Variants in SOX15 observed in about 807,000 individuals in gnomAD.
The protein encoded by SOX15 is transcription factor SOX-15.
A neutral mutation model predicts 15.9 loss-of-function variants in SOX15; 12 were observed. That is an observed-to-expected ratio of 0.75 (90% confidence interval 0.48 to 1.22). The LOEUF (loss-of-function observed/expected upper bound fraction) is 1.22, where lower values mean the gene tolerates loss of function less well. Ranked by LOEUF, SOX15 falls within the 50% of genes most tolerant of loss-of-function variation. SOX15 has a pLI of 0.00. For missense variants in SOX15, 309 were observed against 313.9 expected, an observed-to-expected ratio of 0.98 and a Z score of 0.12; for synonymous variants, 149 against 142.8, an observed-to-expected ratio of 1.04 and a Z score of -0.31.
At position 7,588,377 on chromosome 17, in the gene SOX15, G is replaced by T; in HGVS notation, c.*1C>A. 1 of 1,613,226 alleles carries T rather than the reference G, an allele frequency of 6.2e-7. No homozygotes were observed. The highest frequency in any genetic ancestry group is 1.7e-5 in the Admixed American group (1 of 59,992). ...TCCCGTGAGGTCTGCGTCCATGAGG[G>T]TTAGAGGTGGGTTAGGGGCATGGGG... On this transcript the variant is annotated 3_prime_UTR_variant, in exon 2 of 2. Coordinates refer to ENST00000250055, the MANE Select transcript of SOX15 (RefSeq NM_006942.2).
intron 1 of SOX15, 114 bp downstream of exon 1, chr17:7,589,030 G>T: frequency 9.9e-7 from 1 of 1,007,328 alleles, no homozygotes. Flanking sequence ...CCACACCTTG[G>T]CCGCGAGTGG....
In SOX15 at chr17:7,589,179, G is replaced by C. The variant is rs1286022813; in HGVS notation, c.498C>G (p.Pro166=). ...QPSRGFGYRP[P]SYSTAYLPGS... ...CAGGCAGGTAGGCTGTCGAGTAGCT[G>C]GGGGGTCTGTACCCAAAGCCTCTGC... The change falls in exon 1 of 2, where the codon CCC becomes CCG. Residue 166 remains proline (P), a synonymous_variant. Coordinates refer to ENST00000250055, the MANE Select transcript of SOX15 (RefSeq NM_006942.2). 6.6e-7 allele frequency: 1 copy of C among 1,518,150 alleles called. No homozygotes were observed. Among genetic ancestry groups the C allele is most frequent in the East Asian group, 2.5e-5 (1 of 40,300 alleles). The allele number at this position is 1,518,150 out of a possible 1,614,324, so 94.0% of individuals were successfully genotyped here.
chr17:7,588,784 A>G (rs776774843), intron 1 of SOX15, among the ~76,000 whole-genome samples: 15 of 152,148 alleles, frequency 9.9e-5, no homozygotes, highest in African/African-American at 2.9e-4. Flanking sequence ...AGGCCAGGAA[A>G]GGGCAGAATG....
In SOX15 at chr17:7,588,342, A is replaced by T; in HGVS notation, c.*36T>A. The T allele has an allele frequency of 6.2e-7, 1 of 1,605,382 alleles. No individual in the cohort carries two copies. On this transcript the variant is annotated 3_prime_UTR_variant, in exon 2 of 2. Coordinates refer to ENST00000250055, the MANE Select transcript of SOX15 (RefSeq NM_006942.2). ...GATGCTGCTGGATTAAAAAAGGAGG[A>T]TGAGGCCCGTCCCGTGAGGTCTGCG...
chr17:7,589,487 G>T lies in SOX15; in HGVS notation c.190C>A (p.Arg64Ser). The change falls in exon 1 of 2, where the codon CGC (arginine) becomes AGC (serine). Residue 64 changes from arginine (R) to serine (S), a missense_variant. Transcript: ENST00000250055. The part of the protein sequence containing the change: ...NAFMVWSSAQ[R>S]RQMAQQNPKM... ...GGGTTCTGCTGCGCCATCTGGCGGC[G>T]CTGAGCGGAGCTCCACACCATGAAC... 1 of 1,613,430 alleles carries T rather than the reference G, an allele frequency of 6.2e-7. No homozygotes were observed. The highest frequency in any genetic ancestry group is 8.5e-7 in the Non-Finnish European group (1 of 1,179,808).
In SOX15 at chr17:7,589,124, C is replaced by T. The variant is rs770107809; in HGVS notation, c.533+20G>A. On this transcript the variant is annotated intron_variant, in intron 1 of 1. Transcript: ENST00000250055. ...GGGGCGCATGGGCCTCCGTCTTCGG[C>T]CCGCTTCCCAGGCACTCACCCATAG... 9 of 1,458,114 alleles carry T rather than the reference C, an allele frequency of 6.2e-6. 1 individual carries two copies. The South Asian group carries it at 1.3e-4, about 21-fold the overall frequency. 90.3% of individuals were successfully genotyped at this position (1,458,114 alleles called of 1,614,324 possible). A position where few individuals can be genotyped will look rare whatever the true frequency, so the allele number is the denominator to read the frequency against.
At position 7,589,712 on chromosome 17, in the gene SOX15, C is replaced by T. The variant is rs1290825421; in HGVS notation, c.-36G>A. ...AAGCCTTAAGAGGGCGTCCTGAATG[C>T]CCTCCCCTCAACGTGAAGCGTCGAT... On this transcript the variant is annotated 5_prime_UTR_variant, in exon 1 of 2. Coordinates refer to ENST00000250055, the MANE Select transcript of SOX15 (RefSeq NM_006942.2). The T allele has an allele frequency of 2.0e-6, 3 of 1,491,712 alleles. No homozygotes were observed. Among genetic ancestry groups the T allele is most frequent in the Non-Finnish European group, 2.7e-6 (3 of 1,123,310 alleles). The allele number at this position is 1,491,712 out of a possible 1,614,324, so 92.4% of individuals were successfully genotyped here. A position where few individuals can be genotyped will look rare whatever the true frequency, so the allele number is the denominator to read the frequency against.
Position 7,589,542 on chromosome 17 carries a change from G to T in SOX15, c.135C>A (p.Pro45=). ...AGSPAAPGTL[P]LEKVKRPMNA... is the part of the protein sequence containing the mutation. ...TCATCGGCCGCTTCACCTTCTCCAG[G>T]GGCAGCGTCCCGGGGGCCGCGGGGC... Residue 45 remains proline, a synonymous_variant, in exon 1 of 2, where the codon CCC becomes CCA. Transcript: ENST00000250055. 1.2e-6 allele frequency: 2 copies of T among 1,608,158 alleles called. No homozygotes were observed. Among genetic ancestry groups the T allele is most frequent in the Non-Finnish European group, 1.7e-6 (2 of 1,178,126 alleles).
At position 7,589,225 on chromosome 17, in the gene SOX15, C is replaced by G; in HGVS notation, c.452G>C (p.Gly151Ala). 6.5e-7 allele frequency: 1 copy of G among 1,544,390 alleles called. No individual in the cohort carries two copies. The highest frequency in any genetic ancestry group is 1.2e-5 in the South Asian group (1 of 84,090). The stretch of plus-strand genomic sequence containing the variant: ...TCTGCTCGGTTGGGTGGTCGCGTAC[C>G]CCGGCCCCCAGAGCGGGCCGCCGCT... ...LASGGPLWGPGYATTQPSRGF... is the reference protein window; with the variant it reads ...LASGGPLWGPAYATTQPSRGF... Residue 151 changes from glycine (G) to alanine (A), a missense_variant, in exon 1 of 2, where the codon GGG becomes GCG. Coordinates refer to ENST00000250055, the MANE Select transcript of SOX15 (RefSeq NM_006942.2).
intron 1 of SOX15, among the ~76,000 whole-genome samples, chr17:7,588,807 C>G (rs2071626224): frequency 6.6e-6 from 1 of 152,162 alleles, no homozygotes; most frequent in African/African-American, 2.4e-5. Context: ...CTCGGCCTCT[C>G]CTTGCCCTGG....
In SOX15 at chr17:7,590,086, G is replaced by A. The variant is rs1044261935; in HGVS notation, c.-410C>T. The stretch of plus-strand genomic sequence containing the variant: ...CAGACCTCTCCCACCTGGGCTCAGC[G>A]TTTGTGGCAGGCGGGCCAGACCTGG... On this transcript the variant is annotated 5_prime_UTR_variant, in exon 1 of 2. It adds an upstream start codon to the 5' untranslated region. Coordinates refer to ENST00000250055, the MANE Select transcript of SOX15 (RefSeq NM_006942.2). 1.6e-5 allele frequency: 3 copies of A among 185,882 alleles called. No homozygotes were observed. Among genetic ancestry groups the A allele is most frequent in the African/African-American group, 2.4e-5 (1 of 42,266 alleles). The allele number at this position is 185,882 out of a possible 1,614,324, so 11.5% of individuals were successfully genotyped here.
At position 7,589,560 on chromosome 17, in the gene SOX15, C is replaced by T. The variant is rs1201880366; in HGVS notation, c.117G>A (p.Ala39=). The change falls in exon 1 of 2, where the codon GCG becomes GCA. Residue 39 remains alanine, a synonymous_variant. Transcript: ENST00000250055. ...PQEREGAGSP[A]APGTLPLEKV... ...TCTCCAGGGGCAGCGTCCCGGGGGC[C>T]GCGGGGCTCCCAGCGCCCTCCCGCT... 6.3e-7 allele frequency: 1 copy of T among 1,597,996 alleles called. No homozygotes were observed. The highest frequency in any genetic ancestry group is 8.5e-7 in the Non-Finnish European group (1 of 1,173,998).
rs768669249 is a variant in SOX15 at position 7,588,227 on chromosome 17, G to T, written c.*151C>A. ...ACTACCAAAAATATAATTGTATGTTGTGCGGCTCTCCCTGGCTATCATGGG... is the reference window on the plus strand; with the variant it reads ...ACTACCAAAAATATAATTGTATGTTTTGCGGCTCTCCCTGGCTATCATGGG... On this transcript the variant is annotated 3_prime_UTR_variant, in exon 2 of 2. Transcript: ENST00000250055. The T allele has an allele frequency of 1.2e-6, 1 of 807,312 alleles. No homozygotes were observed. Among genetic ancestry groups the T allele is most frequent in the East Asian group, 2.4e-5 (1 of 41,370 alleles). 50.0% of individuals were successfully genotyped at this position (807,312 alleles called of 1,614,324 possible). A position where few individuals can be genotyped will look rare whatever the true frequency, so the allele number is the denominator to read the frequency against.
chr17:7,589,115 C>T lies in SOX15; in HGVS notation c.533+29G>A, dbSNP rs1383315767. On this transcript the variant is annotated intron_variant, in intron 1 of 1. Coordinates refer to ENST00000250055, the MANE Select transcript of SOX15 (RefSeq NM_006942.2). Reference sequence around the variant, plus strand: ...TCCAGAAGAGGGGCGCATGGGCCTCCGTCTTCGGCCCGCTTCCCAGGCACT... The same window carrying T: ...TCCAGAAGAGGGGCGCATGGGCCTCTGTCTTCGGCCCGCTTCCCAGGCACT... The T allele has an allele frequency of 6.2e-6, 9 of 1,449,798 alleles. 1 individual carries two copies. In the South Asian group the frequency reaches 1.3e-4, roughly 21 times the overall value. The allele number at this position is 1,449,798 out of a possible 1,614,324, so 89.8% of individuals were successfully genotyped here.
chr17:7,589,782 A>G lies in SOX15; in HGVS notation c.-106T>C. The G allele has an allele frequency of 9.8e-7, 1 of 1,019,726 alleles. No individual in the cohort carries two copies. 63.2% of individuals were successfully genotyped at this position (1,019,726 alleles called of 1,614,324 possible). On this transcript the variant is annotated 5_prime_UTR_variant, in exon 1 of 2. Transcript: ENST00000250055. ...TCCCAGTCTGGAGTCGTTGCCGAGG[A>G]ACTTGGGTCCTTAAAAAGTGTATTT...
chr17:7,589,538 C>T lies in SOX15; in HGVS notation c.139G>A (p.Glu47Lys). Reference sequence around the variant, plus strand: ...GCGTTCATCGGCCGCTTCACCTTCTCCAGGGGCAGCGTCCCGGGGGCCGCG... The same window carrying T: ...GCGTTCATCGGCCGCTTCACCTTCTTCAGGGGCAGCGTCCCGGGGGCCGCG... ...SPAAPGTLPLEKVKRPMNAFM... is the reference protein window; with the variant it reads ...SPAAPGTLPLKKVKRPMNAFM... Residue 47 changes from glutamate (E) to lysine (K), a missense_variant, in exon 1 of 2, where the codon GAG (glutamate) becomes AAG (lysine). Coordinates refer to ENST00000250055, the MANE Select transcript of SOX15 (RefSeq NM_006942.2). The T allele has an allele frequency of 6.2e-7, 1 of 1,608,944 alleles. No individual in the cohort carries two copies. The highest frequency in any genetic ancestry group is 8.5e-7 in the Non-Finnish European group (1 of 1,178,390).
rs771900179 is a variant in SOX15, at chr17:7,588,282, C to G, written c.*96G>C. The G allele has an allele frequency of 5.6e-6, 7 of 1,244,630 alleles. No individual in the cohort carries two copies. In the African/African-American group the frequency reaches 1.0e-4, roughly 18 times the overall value. The allele number at this position is 1,244,630 out of a possible 1,614,324, so 77.1% of individuals were successfully genotyped here. On this transcript the variant is annotated 3_prime_UTR_variant, in exon 2 of 2. Transcript: ENST00000250055. The stretch of plus-strand genomic sequence containing the variant: ...CTGCAGGCTGCCTCTGAACTGTAGT[C>G]CAACAGGAGAAAGGGTTGACAGCCT...
Position 7,588,232 on chromosome 17 carries a change from G to T in SOX15, c.*146C>A, listed in dbSNP as rs1332681843. ...CAAAAATATAATTGTATGTTGTGCGGCTCTCCCTGGCTATCATGGGAGGAC... is the reference window on the plus strand; with the variant it reads ...CAAAAATATAATTGTATGTTGTGCGTCTCTCCCTGGCTATCATGGGAGGAC... On this transcript the variant is annotated 3_prime_UTR_variant, in exon 2 of 2. Coordinates refer to ENST00000250055, the MANE Select transcript of SOX15 (RefSeq NM_006942.2). 1.2e-6 allele frequency: 1 copy of T among 820,948 alleles called. No individual in the cohort carries two copies. The highest frequency in any genetic ancestry group is 2.2e-6 in the Non-Finnish European group (1 of 456,744). 50.9% of individuals were successfully genotyped at this position (820,948 alleles called of 1,614,324 possible).
chr17:7,588,475 T>TC lies in SOX15; in HGVS notation c.604dup (p.Glu202GlyfsTer?), dbSNP rs766790490. 2.5e-6 allele frequency: 4 copies of TC among 1,613,284 alleles called. No homozygotes were observed. The highest frequency in any genetic ancestry group is 1.7e-5 in the Admixed American group (1 of 59,970). On this transcript the variant is annotated frameshift_variant, in exon 2 of 2. Transcript: ENST00000250055. LOFTEE classifies it low-confidence loss of function (END_TRUNC). ...GTAGTGGGTATAGGTGGGCAGCAGTTCCCCCTGGAGCCTAGGGTCACTCTG... is the reference window on the plus strand; with the variant it reads ...GTAGTGGGTATAGGTGGGCAGCAGTTCCCCCCTGGAGCCTAGGGTCACTCTG...
Sources: gnomAD v4.1 joint callset for allele counts (sites outside exome capture counted in the v4.1 genomes callset) on GRCh38, gnomAD v4.1.1 for gene constraint, MANE v1.5 for transcripts, NCBI Gene and HGNC (gene_info 2026-07-23, HGNC 2026-07-21) for gene names.